DSE: variants seen among roughly 807,000 people sequenced by gnomAD.
The protein encoded by DSE is dermatan-sulfate epimerase.
A neutral mutation model predicts 84.4 loss-of-function variants in DSE; 36 were observed. The observed-to-expected ratio is 0.43, with a 90% confidence interval of 0.33 to 0.56. The LOEUF is 0.56. Ranked by LOEUF, DSE falls within the 20% of genes least tolerant of loss-of-function variation. The pLI, the probability that DSE is intolerant of heterozygous loss-of-function variation, is 0.06. For missense variants in DSE, 862 were observed against 1,169.6 expected, an observed-to-expected ratio of 0.74 and a Z score of 3.84; for synonymous variants, 410 against 430.1, an observed-to-expected ratio of 0.95 and a Z score of 0.58.
chr6:116,348,567 C>T (rs1260261611), intron 2 of DSE, among the ~76,000 whole-genome samples: 8 of 152,098 alleles, frequency 5.3e-5, no homozygotes, highest in South Asian at 2.1e-4. Context: ...GACAGTGTGG[C>T]GATTCCTCAA....
intron 2 of DSE, among the ~76,000 whole-genome samples, chr6:116,335,805 C>T (rs568042796): frequency 1.3e-5 from 2 of 152,256 alleles, no homozygotes; most frequent in African/African-American, 4.8e-5. Flanking sequence ...CAGAGAAGAC[C>T]TCTTTATTAT....
At chr6:116,314,034 T>C (rs568648612) in intron 2 of DSE, among the ~76,000 whole-genome samples, 4 of 152,366 alleles carry the variant, frequency 2.6e-5, no homozygotes, top group Admixed American at 6.5e-5. Flanking sequence ...ATTTTACTTA[T>C]CTTTGTTTTC....
At chr6:116,365,283 T>A (rs947371127) in intron 2 of DSE, among the ~76,000 whole-genome samples, 1 of 151,650 alleles carries the variant, frequency 6.6e-6, no homozygotes, top group African/African-American at 2.4e-5. Context: ...GGGGATGGAG[T>A]CTTGCTCTAT....
intron 2 of DSE, among the ~76,000 whole-genome samples, chr6:116,275,968 G>A (rs1426441859): frequency 6.6e-6 from 1 of 152,102 alleles, no homozygotes. Context: ...TTCTTTGTTT[G>A]CTTATCAGTC....
intron 2 of DSE, among the ~76,000 whole-genome samples, chr6:116,275,903 G>A (rs1773118950): frequency 6.6e-6 from 1 of 152,018 alleles, no homozygotes; most frequent in African/African-American, 2.4e-5. Context: ...AGTGAACATG[G>A]GAAAAACATG....
chr6:116,309,914 T>C (rs558848931), intron 2 of DSE, among the ~76,000 whole-genome samples: 6 of 152,014 alleles, frequency 3.9e-5, no homozygotes, highest in Non-Finnish European at 7.4e-5. Context: ...CCAGTACTGT[T>C]GTATTGAGGA....
chr6:116,296,708 C>G (rs1774688176), intron 2 of DSE, among the ~76,000 whole-genome samples: 1 of 152,084 alleles, frequency 6.6e-6, no homozygotes, highest in Non-Finnish European at 1.5e-5. Flanking sequence ...TAGTGAACAT[C>G]CTTATTTTGG....
chr6:116,348,242 A>G (rs926500169), intron 2 of DSE, among the ~76,000 whole-genome samples: 2 of 152,142 alleles, frequency 1.3e-5, no homozygotes, highest in African/African-American at 4.8e-5. Flanking sequence ...CCTGGCTAAC[A>G]CGGTGAAACC....
At chr6:116,267,630 A>T (rs568532439) in intron 2 of DSE, among the ~76,000 whole-genome samples, 36 of 152,228 alleles carry the variant, frequency 2.4e-4, no homozygotes, top group African/African-American at 7.7e-4. Context: ...AGAAAGAAAA[A>T]TTTTTTTATA....
chr6:116,433,868 T>G (rs1783995887), intron 5 of DSE, among the ~76,000 whole-genome samples: 1 of 152,192 alleles, frequency 6.6e-6, no homozygotes, highest in Non-Finnish European at 1.5e-5. Context: ...CTGTTTTCAG[T>G]TTTTGGTTCT....
intron 2 of DSE, among the ~76,000 whole-genome samples, chr6:116,309,951 GA>G (rs375759151): frequency 4.8e-5 from 7 of 145,256 alleles, no homozygotes; most frequent in Non-Finnish European, 6.1e-5. Flanking sequence ...ATTTTGGAAA[GA>G]AAAAAAAAAG....
At chr6:116,343,595 A>G (rs530175543) in intron 2 of DSE, among the ~76,000 whole-genome samples, 31 of 152,332 alleles carry the variant, frequency 2.0e-4, no homozygotes, top group Non-Finnish European at 3.5e-4. Context: ...TGACTGTTAG[A>G]AGGAAAACTA....
rs1379271257 is a variant in DSE, at chr6:116,444,138, T to C, written c.*6793T>C. On this transcript the variant is annotated 3_prime_UTR_variant, in exon 6 of 6. Coordinates refer to ENST00000644252, the MANE Select transcript of DSE (RefSeq NM_013352.4). Reference sequence around the variant, plus strand: ...AAGAGAATTCTTAGAGCACTCTATATATTCAAACCTCCGTATTTTTTGATA... The same window carrying C: ...AAGAGAATTCTTAGAGCACTCTATACATTCAAACCTCCGTATTTTTTGATA... 6.6e-6 allele frequency: 1 copy of C among 152,246 alleles called. No homozygotes were observed. The highest frequency in any genetic ancestry group is 1.5e-5 in the Non-Finnish European group (1 of 68,042). 9.4% of individuals were successfully genotyped at this position (152,246 alleles called of 1,614,324 possible). A position where few individuals can be genotyped will look rare whatever the true frequency, so the allele number is the denominator to read the frequency against.
chr6:116,343,209 C>T (rs1344147791), intron 2 of DSE, among the ~76,000 whole-genome samples: 1 of 152,220 alleles, frequency 6.6e-6, no homozygotes, highest in African/African-American at 2.4e-5. Flanking sequence ...GTAGACTCCA[C>T]CTCTGTGGGC....
At chr6:116,302,434 C>G (rs974573111) in intron 2 of DSE, among the ~76,000 whole-genome samples, 2 of 152,108 alleles carry the variant, frequency 1.3e-5, no homozygotes, top group Non-Finnish European at 2.9e-5. Context: ...TAAATGTCTT[C>G]TTTTGAGAAG....
chr6:116,292,486 T>G (rs968303354), intron 2 of DSE, among the ~76,000 whole-genome samples: 2 of 152,044 alleles, frequency 1.3e-5, no homozygotes, highest in Admixed American at 6.5e-5. Flanking sequence ...AAATGAATGA[T>G]AAATGAACAT....
intron 4 of DSE, among the ~76,000 whole-genome samples, 188 bp downstream of exon 4, chr6:116,431,381 TGTGA>T (rs1409650153): frequency 8.5e-5 from 13 of 152,314 alleles, no homozygotes; most frequent in African/African-American, 2.9e-4. Context: ...TGGAGGCTAA[TGTGA>T]GTATTTATGA....
intron 2 of DSE, among the ~76,000 whole-genome samples, chr6:116,329,074 G>T (rs1583027308): frequency 6.6e-6 from 1 of 152,186 alleles, no homozygotes; most frequent in Non-Finnish European, 1.5e-5. Flanking sequence ...CTAAACAACT[G>T]CTGCAGTTGC....
chr6:116,274,149 G>A (rs1334911866), intron 2 of DSE, among the ~76,000 whole-genome samples: 4 of 151,982 alleles, frequency 2.6e-5, no homozygotes, highest in East Asian at 1.9e-4. Context: ...AGTAGTACGC[G>A]TTCATTGAAC....
Sources: allele counts gnomAD v4.1 joint callset (sites outside exome capture counted in the v4.1 genomes callset), GRCh38; gene constraint gnomAD v4.1.1; transcripts MANE v1.5; gene names NCBI Gene and HGNC (gene_info 2026-07-23, HGNC 2026-07-21).